The following THOC2 variants were observed in gnomAD, a reference collection of about 807,000 sequenced individuals.
THOC2 encodes the protein THO complex subunit 2.
In THOC2, 10 loss-of-function variants were observed where a neutral mutation model predicts 128.4. The observed-to-expected ratio is 0.08, with a 90% CI of 0.05 to 0.13. THOC2 has a LOEUF of 0.13. Among genes scored for constraint, THOC2 ranks in the 10% least tolerant of loss-of-function variants. The pLI is 1.00. For missense variants in THOC2, 535 were observed against 1,155.7 expected, an observed-to-expected ratio of 0.46 and a Z score of 7.79; for synonymous variants, 393 against 396.9, an observed-to-expected ratio of 0.99 and a Z score of 0.12.
At chrX:123,630,612 C>CA (rs57639724) in intron 22 of THOC2, among the ~76,000 whole-genome samples, 3,822 of 15,817 alleles carry the variant, frequency 0.24, 780 homozygotes, top group African/African-American at 0.4. Context: ...GACTCCATCT[C>CA]AAAAAAAAAA....
chrX:123,704,955 A>G (rs779442311), intron 3 of THOC2, among the ~76,000 whole-genome samples: 1 of 112,399 alleles, frequency 8.9e-6, no homozygotes, highest in African/African-American at 3.2e-5. Context: ...TTCCACTCCC[A>G]CGCTCAATTT....
intron 1 of THOC2, among the ~76,000 whole-genome samples, chrX:123,714,692 A>C (rs1350641196): frequency 8.9e-6 from 1 of 112,092 alleles, no homozygotes; most frequent in Non-Finnish European, 1.9e-5. Context: ...AGCACACACA[A>C]ACCTTTTTCC....
At chrX:123,702,928 CTTTT>C (rs984741921) in intron 4 of THOC2, among the ~76,000 whole-genome samples, 1 of 111,164 alleles carries the variant, frequency 9.0e-6, no homozygotes, top group Admixed American at 9.7e-5. Context: ...AGAAATACTC[CTTTT>C]TTTATCTTGC....
At chrX:123,700,498 T>C (rs1220987844) in intron 4 of THOC2, among the ~76,000 whole-genome samples, 1 of 46,760 alleles carries the variant, frequency 2.1e-5, no homozygotes, top group Non-Finnish European at 3.9e-5. Flanking sequence ...TGAAACTCCA[T>C]TCTCGGGGCG....
chrX:123,666,056 A>AC (rs2049037537), intron 11 of THOC2, among the ~76,000 whole-genome samples: 2 of 111,220 alleles, frequency 1.8e-5, no homozygotes, highest in African/African-American at 6.5e-5. Flanking sequence ...AACAGTCATT[A>AC]GAAAAAAAAA....
chrX:123,699,491 G>A (rs759722200), intron 4 of THOC2, among the ~76,000 whole-genome samples: 11 of 111,372 alleles, frequency 9.9e-5, no homozygotes, highest in African/African-American at 2.9e-4. Context: ...TCCTTTTCAG[G>A]GACTCCCAAT....
intron 1 of THOC2, among the ~76,000 whole-genome samples, chrX:123,716,691 T>C (rs2051430438): frequency 1.0e-5 from 1 of 100,446 alleles, no homozygotes; most frequent in Non-Finnish European, 2.0e-5. Context: ...ATGGCGCCAC[T>C]GCACTCCAGC....
At chrX:123,636,042 C>T in intron 19 of THOC2, 37 bp downstream of exon 19, 1 of 1,090,445 alleles carries the variant, frequency 9.2e-7, no homozygotes, top group Non-Finnish European at 1.3e-6. Flanking sequence ...CAAAAGTACT[C>T]TATTGAATTT....
At chrX:123,607,457 T>TTTATTTAG (rs1172837003) in intron 38 of THOC2, among the ~76,000 whole-genome samples, 3 of 104,725 alleles carry the variant, frequency 2.9e-5, no homozygotes, top group Non-Finnish European at 5.8e-5. Context: ...TATTTATTTA[T>TTTATTTAG]TTATTTATTT....
chrX:123,617,305 T>C (rs2046932542), intron 33 of THOC2, among the ~76,000 whole-genome samples: 1 of 111,070 alleles, frequency 9.0e-6, no homozygotes, highest in Non-Finnish European at 1.9e-5. Flanking sequence ...TCACACAGTT[T>C]TTAGAAGCAT....
At chrX:123,730,653 AG>A (rs1000541997) in intron 1 of THOC2, among the ~76,000 whole-genome samples, 1 of 112,109 alleles carries the variant, frequency 8.9e-6, no homozygotes, top group African/African-American at 3.2e-5. Flanking sequence ...TTCACCTTAT[AG>A]CCCTAATACC....
intron 9 of THOC2, among the ~76,000 whole-genome samples, chrX:123,668,914 A>G (rs2049150930): frequency 8.9e-6 from 1 of 111,830 alleles, no homozygotes; most frequent in Non-Finnish European, 1.9e-5. Context: ...AGGCTCAAGT[A>G]TCTCAAACAG....
At position 123,732,080 on chromosome X, in the gene THOC2, G is replaced by T. The variant is rs761826225; in HGVS notation, c.71+872C>A. ...GAAGGGGAGGAGGGAGCGCTCTAAC[G>T]TGGGGGCGAGAAGACTAGGGGTATG... On this transcript the variant is annotated intron_variant, in intron 1 of 38. Transcript: ENST00000245838. Among the ~76,000 whole-genome samples, 7 of 110,767 alleles carry T rather than the reference G, an allele frequency of 6.3e-5. No individual in the cohort carries two copies. In the East Asian group the frequency reaches 2.0e-3, roughly 31 times the overall value.
intron 36 of THOC2, among the ~76,000 whole-genome samples, chrX:123,612,873 A>C (rs1372136127): frequency 8.9e-6 from 1 of 111,829 alleles, no homozygotes; most frequent in Non-Finnish European, 1.9e-5. Context: ...ACTTTATGGC[A>C]GATGCGTGAG....
At chrX:123,616,666 G>GT (rs1342545516) in intron 33 of THOC2, among the ~76,000 whole-genome samples, 25 of 105,356 alleles carry the variant, frequency 2.4e-4, no homozygotes, top group South Asian at 8.2e-4. Flanking sequence ...AATGGAACCT[G>GT]TTTTTTGTTT....
At chrX:123,724,837 C>T (rs762096854) in intron 1 of THOC2, among the ~76,000 whole-genome samples, 5 of 111,049 alleles carry the variant, frequency 4.5e-5, no homozygotes, top group South Asian at 3.8e-4. Flanking sequence ...CTCAGGAGTT[C>T]GAGACCAGCC....
At chrX:123,662,690 GA>G (rs757985265) in intron 12 of THOC2, among the ~76,000 whole-genome samples, 191 of 109,262 alleles carry the variant, frequency 1.7e-3, no homozygotes, top group Non-Finnish European at 3.2e-3. Context: ...ATCAGACTAA[GA>G]AAAAAATTTC....
intron 12 of THOC2, among the ~76,000 whole-genome samples, chrX:123,664,509 GAAA>G (rs2048975693): frequency 9.0e-6 from 1 of 111,579 alleles, no homozygotes; most frequent in South Asian, 3.8e-4. Context: ...AAATTTAGAA[GAAA>G]AAACAAACAA....
rs764925552 is a variant in THOC2 at position 123,633,605 on chromosome X, T to C, written c.2136+348A>G. On this transcript the variant is annotated intron_variant, in intron 20 of 38. Coordinates refer to ENST00000245838, the MANE Select transcript of THOC2 (RefSeq NM_001081550.2). ...TTTTAGTAGAGGCAGGGTTTTGCCA[T>C]GTTGGCCAGGTTGGTCTCGAACTCC... 8.6e-4 allele frequency among the ~76,000 whole-genome samples: 95 copies of C among 111,051 alleles called. 1 individual carries two copies. Among genetic ancestry groups the C allele is most frequent in the African/African-American group, 2.9e-3 (90 of 30,538 alleles).
Sources: allele counts gnomAD v4.1 joint callset (sites outside exome capture counted in the v4.1 genomes callset), GRCh38; gene constraint gnomAD v4.1.1; transcripts MANE v1.5; gene names NCBI Gene and HGNC (gene_info 2026-07-23, HGNC 2026-07-21).